The following CTNNA2 variants were observed in gnomAD, a reference collection of about 807,000 sequenced individuals.
CTNNA2 encodes catenin alpha 2.
In CTNNA2, 42 loss-of-function variants were observed where a neutral mutation model predicts 101.0. The ratio of observed to expected loss-of-function variants is 0.42; its 90% CI spans 0.32 to 0.54. The LOEUF (loss-of-function observed/expected upper bound fraction) is 0.54. Ranked by LOEUF, CTNNA2 falls within the 20% of genes least tolerant of loss-of-function variation. CTNNA2 has a pLI of 0.14. For missense variants in CTNNA2, 871 were observed against 1,223.1 expected, an observed-to-expected ratio of 0.71 and a Z score of 4.29; for synonymous variants, 450 against 456.4, an observed-to-expected ratio of 0.99 and a Z score of 0.18.
intron 7 of CTNNA2, among the ~76,000 whole-genome samples, chr2:80,249,508 G>A (rs1258227993): frequency 6.6e-6 from 1 of 152,078 alleles, no homozygotes; most frequent in Non-Finnish European, 1.5e-5. Flanking sequence ...CTTTGTGCCT[G>A]GAACTTTCCT....
intron 2 of CTNNA2, among the ~76,000 whole-genome samples, chr2:79,688,026 C>T (rs6719934): frequency 0.26 from 39,960 of 151,902 alleles, 5,629 homozygotes; most frequent in East Asian, 0.56. Context: ...AAAGTTTCCT[C>T]TGAAAATTTG....
At position 80,303,587 on chromosome 2, in the gene CTNNA2, G is replaced by A. The variant is rs1676589169; in HGVS notation, c.1057-89624G>A. On this transcript the variant is annotated intron_variant, in intron 7 of 18. Coordinates refer to ENST00000402739, the MANE Select transcript of CTNNA2 (RefSeq NM_001282597.3). This position sits in a 1 kb window ranked among gnomAD's most constrained non-coding sequence, Gnocchi z 7.7. ...CGTGAACTGGCCGGCGCGCAGCTCC[G>A]AGAGGCTGTTGTAGCGCAGGGACAA... The A allele has an allele frequency of 1.9e-6, 3 of 1,614,198 alleles. No homozygotes were observed. In the Admixed American group the frequency reaches 5.0e-5, roughly 27 times the overall value.
At chr2:80,254,397 A>T (rs2149111200) in intron 7 of CTNNA2, among the ~76,000 whole-genome samples, 1 of 152,318 alleles carries the variant, frequency 6.6e-6, no homozygotes, top group South Asian at 2.1e-4. Flanking sequence ...AAAATAAGAA[A>T]GAAAGGATGG....
intron 7 of CTNNA2, among the ~76,000 whole-genome samples, chr2:80,367,007 A>T (rs369075603): frequency 0.01 from 1,468 of 142,562 alleles, 34 homozygotes; most frequent in African/African-American, 0.034. Flanking sequence ...AAATGGTTGC[A>T]TTTTTTTTTT....
At chr2:79,689,479 ATTC>A (rs1196848001) in intron 2 of CTNNA2, among the ~76,000 whole-genome samples, 1 of 152,026 alleles carries the variant, frequency 6.6e-6, no homozygotes, top group Non-Finnish European at 1.5e-5. Context: ...CTTCTACAAT[ATTC>A]TTCTCACAGC....
chr2:79,215,244 C>T (rs928886886), intron 2 of CTNNA2, among the ~76,000 whole-genome samples: 1 of 152,156 alleles, frequency 6.6e-6, no homozygotes, highest in Non-Finnish European at 1.5e-5. Flanking sequence ...TGTGGGCATT[C>T]CTTGGCCTGG....
chr2:79,747,586 T>C (rs796480077), intron 3 of CTNNA2, among the ~76,000 whole-genome samples: 7 of 152,342 alleles, frequency 4.6e-5, no homozygotes, highest in African/African-American at 1.7e-4. Flanking sequence ...AATTCTTTTG[T>C]CATTACAAGT....
chr2:79,361,357 A>C (rs1025997765), intron 3 of CTNNA2, among the ~76,000 whole-genome samples: 1 of 152,176 alleles, frequency 6.6e-6, no homozygotes, highest in Non-Finnish European at 1.5e-5. Context: ...AATGAATAGG[A>C]AGCTTCCCAT....
intron 1 of CTNNA2, among the ~76,000 whole-genome samples, chr2:79,539,806 A>AG (rs1573289421): frequency 2.0e-5 from 3 of 152,054 alleles, no homozygotes; most frequent in East Asian, 3.9e-4. Flanking sequence ...CATGGAAATT[A>AG]GGGGGGCTGT....
chr2:79,335,727 G>T (rs1338501982), intron 3 of CTNNA2, among the ~76,000 whole-genome samples: 1 of 152,190 alleles, frequency 6.6e-6, no homozygotes, highest in Non-Finnish European at 1.5e-5. Context: ...GGGCAAAGAT[G>T]TCTATGAAGG....
chr2:79,554,443 A>G (rs919973228), intron 1 of CTNNA2, among the ~76,000 whole-genome samples: 1 of 152,164 alleles, frequency 6.6e-6, no homozygotes, highest in Non-Finnish European at 1.5e-5. Context: ...GTATTACCAT[A>G]TAATTTTATA....
chr2:79,464,869 G>C (rs775013404), intron 4 of CTNNA2, among the ~76,000 whole-genome samples: 4 of 151,786 alleles, frequency 2.6e-5, no homozygotes, highest in African/African-American at 4.8e-5. Flanking sequence ...GTTCTTTGTA[G>C]ATTCTGGATA....
intron 7 of CTNNA2, among the ~76,000 whole-genome samples, chr2:80,198,226 G>T (rs755064742): frequency 1.3e-5 from 2 of 152,140 alleles, no homozygotes; most frequent in Non-Finnish European, 2.9e-5. Context: ...ACCTAAGGAC[G>T]CCTCAGGAAG....
chr2:80,127,824 G>T (rs1702219736), intron 7 of CTNNA2, among the ~76,000 whole-genome samples: 1 of 152,250 alleles, frequency 6.6e-6, no homozygotes, highest in African/African-American at 2.4e-5. Flanking sequence ...TGTAGGATTT[G>T]CAGGGATCAT....
intron 1 of CTNNA2, among the ~76,000 whole-genome samples, chr2:79,569,682 A>G (rs2103810676): frequency 6.6e-6 from 1 of 152,312 alleles, no homozygotes; most frequent in East Asian, 1.9e-4. Context: ...TTGCACTGGA[A>G]ACTCTATTTC....
chr2:79,426,285 G>A (rs1243280022), intron 4 of CTNNA2, among the ~76,000 whole-genome samples: 4 of 152,046 alleles, frequency 2.6e-5, no homozygotes, highest in Non-Finnish European at 4.4e-5. Flanking sequence ...AAAAACATAG[G>A]ATGCAGATAC....
At chr2:79,212,345 G>C (rs1314456894) in intron 2 of CTNNA2, among the ~76,000 whole-genome samples, 1 of 152,192 alleles carries the variant, frequency 6.6e-6, no homozygotes, top group Admixed American at 6.5e-5. Context: ...TGTCTGGAAT[G>C]ACACTGAGGC....
intron 3 of CTNNA2, among the ~76,000 whole-genome samples, chr2:79,849,813 A>G (rs1334857230): frequency 6.6e-6 from 1 of 152,220 alleles, no homozygotes; most frequent in African/African-American, 2.4e-5. Context: ...TGTAGAGTGT[A>G]TAGCATCTGG....
chr2:80,226,892 C>T (rs556178773), intron 7 of CTNNA2, among the ~76,000 whole-genome samples: 2 of 152,274 alleles, frequency 1.3e-5, no homozygotes, highest in East Asian at 1.9e-4. Flanking sequence ...TGCCCTGCCC[C>T]GAGTGTCACC....
Sources: allele counts gnomAD v4.1 joint callset (sites outside exome capture counted in the v4.1 genomes callset), GRCh38; gene constraint gnomAD v4.1.1; non-coding constraint Gnocchi (gnomAD v3.1); transcripts MANE v1.5; gene names NCBI Gene and HGNC (gene_info 2026-07-23, HGNC 2026-07-21).